The following CRYZL1 variants were observed in gnomAD, a reference collection of about 807,000 sequenced individuals.
CRYZL1 encodes crystallin zeta like 1.
In CRYZL1, 34 loss-of-function variants were observed where a neutral mutation model predicts 50.6. That is an observed-to-expected ratio of 0.67 (90% CI 0.51 to 0.89). The LOEUF (loss-of-function observed/expected upper bound fraction) is 0.89, where lower values mean the gene tolerates loss of function less well. Among genes scored for constraint, CRYZL1 ranks in the 40% least tolerant of loss-of-function variants. The pLI, the probability that CRYZL1 is intolerant of heterozygous loss-of-function variation, is 0.00. For synonymous variants in CRYZL1, 125 were observed against 134.3 expected (o/e 0.93, Z 0.48); for missense variants, 354 against 402.3 (o/e 0.88, Z 1.03).
At chr21:33,606,416 AG>A (rs1467176509) in intron 6 of CRYZL1, among the ~76,000 whole-genome samples, 2 of 152,038 alleles carry the variant, frequency 1.3e-5, no homozygotes, top group Non-Finnish European at 2.9e-5. Flanking sequence ...ACCTGAGGTC[AG>A]GAGTTTGAGA....
intron 6 of CRYZL1, among the ~76,000 whole-genome samples, chr21:33,604,947 C>A (rs1240234032): frequency 6.6e-6 from 1 of 152,180 alleles, no homozygotes; most frequent in Non-Finnish European, 1.5e-5. Flanking sequence ...TACTTTCCCA[C>A]AGTAGTGTCC....
chr21:33,614,720 C>T (rs1448132411), intron 5 of CRYZL1, among the ~76,000 whole-genome samples: 1 of 152,002 alleles, frequency 6.6e-6, no homozygotes, highest in Non-Finnish European at 1.5e-5. Context: ...TACAGGCGTG[C>T]ACCACCACGC....
At chr21:33,595,666 A>G (rs1035437097) in intron 11 of CRYZL1, 65 bp downstream of exon 11, 22 of 1,600,092 alleles carry the variant, frequency 1.4e-5, no homozygotes, top group Non-Finnish European at 1.8e-5. Flanking sequence ...CTATTATCGT[A>G]ATGAAAGAAC....
In CRYZL1 at chr21:33,589,632, G is replaced by A; in HGVS notation, c.*190C>T. On this transcript the variant is annotated 3_prime_UTR_variant, in exon 13 of 13. Transcript: ENST00000381554. ...AAGATGTTAATTATAGAATTATCTT[G>A]ATCATTTGCACAAGAATTTTTCAAA... 1 of 568,110 alleles carries A rather than the reference G, an allele frequency of 1.8e-6. No homozygotes were observed. Among genetic ancestry groups the A allele is most frequent in the Non-Finnish European group, 3.2e-6 (1 of 314,374 alleles). 35.2% of individuals were successfully genotyped at this position (568,110 alleles called of 1,614,324 possible).
At chr21:33,592,084 G>A (rs2086649265) in intron 11 of CRYZL1, among the ~76,000 whole-genome samples, 1 of 150,654 alleles carries the variant, frequency 6.6e-6, no homozygotes, top group African/African-American at 2.4e-5. Context: ...ATACTATGTA[G>A]ATAGTGGTTA....
intron 6 of CRYZL1, among the ~76,000 whole-genome samples, chr21:33,609,003 C>T (rs980845271): frequency 2.6e-5 from 4 of 152,192 alleles, no homozygotes; most frequent in Non-Finnish European, 1.5e-5. Flanking sequence ...TCCACATTCT[C>T]GCCAATACTT....
intron 6 of CRYZL1, 80 bp from the exon 7 acceptor site, chr21:33,603,617 T>G: frequency 2.6e-6 from 4 of 1,513,688 alleles, no homozygotes; most frequent in African/African-American, 1.4e-5. Context: ...TCTCCATCTC[T>G]AGTACTACTA....
intron 2 of CRYZL1, among the ~76,000 whole-genome samples, chr21:33,628,398 T>G (rs570152302): frequency 2.4e-4 from 37 of 152,292 alleles, no homozygotes. Flanking sequence ...TAGAGGGCTT[T>G]GGGTAGTATG....
chr21:33,630,566 A>G (rs2087125721), intron 2 of CRYZL1, among the ~76,000 whole-genome samples: 1 of 151,968 alleles, frequency 6.6e-6, no homozygotes. Flanking sequence ...AGCCTGGGCA[A>G]CAGAGTGAGA....
At chr21:33,601,044 C>T (rs1386941838) in intron 8 of CRYZL1, among the ~76,000 whole-genome samples, 1 of 147,432 alleles carries the variant, frequency 6.8e-6, no homozygotes, top group Non-Finnish European at 1.5e-5. Context: ...TCTAGCAATT[C>T]TCCTGCCTTA....
At position 33,595,885 on chromosome 21, in the gene CRYZL1, C is replaced by T. The variant is rs11909046; in HGVS notation, c.799-49G>A. 1.1e-3 allele frequency: 1,341 copies of T among 1,242,832 alleles called. 10 individuals carry two copies. In the African/African-American group the frequency reaches 0.018, roughly 17 times the overall value. The allele number at this position is 1,242,832 out of a possible 1,614,324, so 77.0% of individuals were successfully genotyped here. A position where few individuals can be genotyped will look rare whatever the true frequency, so the allele number is the denominator to read the frequency against. ...TAATCAATTATTGTGAGTTTAACAG[C>T]AGGATGACTGGTATCTCGAGTCAGA... On this transcript the variant is annotated intron_variant, in intron 10 of 12. Coordinates refer to ENST00000381554, the MANE Select transcript of CRYZL1 (RefSeq NM_145858.3).
chr21:33,593,390 GCCA>G (rs2086662490), intron 11 of CRYZL1, among the ~76,000 whole-genome samples: 1 of 152,094 alleles, frequency 6.6e-6, no homozygotes. Flanking sequence ...ACAGGCGTGA[GCCA>G]CCACACCTGG....
intron 1 of CRYZL1, among the ~76,000 whole-genome samples, chr21:33,634,880 A>AAC (rs2087185099): frequency 6.9e-6 from 1 of 144,400 alleles, no homozygotes; most frequent in African/African-American, 2.5e-5. Context: ...CAACAACAAC[A>AAC]ATATATATAT....
intron 6 of CRYZL1, among the ~76,000 whole-genome samples, chr21:33,604,340 A>T (rs2086788823): frequency 8.4e-6 from 1 of 118,668 alleles, no homozygotes; most frequent in Non-Finnish European, 1.6e-5. Flanking sequence ...TGGGTGACAC[A>T]GCGAGACTCC....
chr21:33,641,328 GAA>G, intron 1 of CRYZL1: 1 of 1,534,748 alleles, frequency 6.5e-7, no homozygotes, highest in South Asian at 1.2e-5. Context: ...AACAGAGAAA[GAA>G]AAAGACACTC....
chr21:33,631,600 C>A, intron 1 of CRYZL1, 43 bp from the exon 2 acceptor site: 1 of 1,289,536 alleles, frequency 7.8e-7, no homozygotes, highest in Non-Finnish European at 1.0e-6. Context: ...AACAAGTCTT[C>A]CAGACTAAAT....
intron 6 of CRYZL1, among the ~76,000 whole-genome samples, chr21:33,609,345 G>C (rs1053039825): frequency 4.6e-5 from 7 of 152,116 alleles, no homozygotes; most frequent in Admixed American, 6.6e-5. Context: ...TCTGAGACAG[G>C]CTAGAGTGCA....
At chr21:33,605,206 A>C (rs1450760179) in intron 6 of CRYZL1, among the ~76,000 whole-genome samples, 1 of 152,118 alleles carries the variant, frequency 6.6e-6, no homozygotes, top group African/African-American at 2.4e-5. Flanking sequence ...AATTCTTTAT[A>C]TATTCTAGAG....
chr21:33,627,780 T>C (rs1223533010), intron 2 of CRYZL1, among the ~76,000 whole-genome samples: 2 of 135,214 alleles, frequency 1.5e-5, no homozygotes, highest in Non-Finnish European at 3.1e-5. Flanking sequence ...AGTCTTGCTC[T>C]CCTGCCCAGG....
Sources: gnomAD v4.1 joint callset for allele counts (sites outside exome capture counted in the v4.1 genomes callset) on GRCh38, gnomAD v4.1.1 for gene constraint, MANE v1.5 for transcripts, NCBI Gene and HGNC (gene_info 2026-07-23, HGNC 2026-07-21) for gene names.